The following MUS81 variants were observed in gnomAD, a reference collection of about 807,000 sequenced individuals.
MUS81 encodes the protein MUS81 structure-specific endonuclease subunit.
A neutral mutation model predicts 74.2 loss-of-function variants in MUS81; 69 were observed. That is an observed-to-expected ratio of 0.93 (90% CI 0.77 to 1.14). MUS81 has a LOEUF of 1.14. Ranked by LOEUF, MUS81 falls within the 50% of genes most tolerant of loss-of-function variation. The pLI, the probability that MUS81 is intolerant of heterozygous loss-of-function variation, is 0.00. For missense variants in MUS81, 711 were observed against 726.5 expected (o/e 0.98, Z 0.25); for synonymous variants, 303 against 300.6 (o/e 1.01, Z -0.08).
chr11:65,861,873 C>T (rs1461472565), intron 3 of MUS81, 74 bp from the exon 4 acceptor site: 19 of 1,228,274 alleles, frequency 1.5e-5, no homozygotes, highest in East Asian at 2.5e-5. Context: ...TACCCAGGGC[C>T]ACAAAGCCTG....
chr11:65,866,482 G>A (rs543751370), downstream of MUS81: 1 of 702,468 alleles, frequency 1.4e-6, no homozygotes, highest in Admixed American at 2.0e-5. Flanking sequence ...ACAGGCCCAG[G>A]GAACTACTAG....
intron 14 of MUS81, chr11:65,865,573 G>A: frequency 1.6e-6 from 1 of 625,532 alleles, no homozygotes; most frequent in Admixed American, 2.9e-5. Context: ...CCTGGAGAAG[G>A]GGTTGGGCCA....
At chr11:65,866,663 G>A (rs1304939046), downstream of MUS81, 1 of 704,214 alleles carries the variant, frequency 1.4e-6, no homozygotes, top group Non-Finnish European at 2.6e-6. Flanking sequence ...CGGGGTGACT[G>A]AAGCTCGTGG....
At chr11:65,867,149 A>C, downstream of MUS81, 3 of 1,591,956 alleles carry the variant, frequency 1.9e-6, no homozygotes, top group Non-Finnish European at 8.6e-7. Flanking sequence ...CCCCAGCGTC[A>C]CCTCCCTGCC....
rs1859770896 is a variant in MUS81, at chr11:65,865,075, T to C, written c.1331T>C (p.Met444Thr). Residue 444 changes from methionine (M) to threonine (T), a missense_variant, in exon 13 of 16, where the codon ATG becomes ACG. By Grantham distance (81) the Met-to-Thr change is moderately conservative. Transcript: ENST00000308110. ...GTPGNPESGA[M>T]TSPNPLCSLL... Reference sequence around the variant, plus strand: ...CCTGGGAACCCTGAATCAGGGGCCATGACCTCTCCAAACCCTCTCTGCTCA... The same window carrying C: ...CCTGGGAACCCTGAATCAGGGGCCACGACCTCTCCAAACCCTCTCTGCTCA... The C allele has an allele frequency of 1.2e-6, 2 of 1,614,006 alleles. No individual in the cohort carries two copies. Among genetic ancestry groups the C allele is most frequent in the Non-Finnish European group, 8.5e-7 (1 of 1,180,026 alleles).
In MUS81 at chr11:65,863,674, T is replaced by C. The variant is rs372873814; in HGVS notation, c.914T>C (p.Val305Ala). ...ACCCACACGGTGCGCAAGCTGCACG[T>C]TGGAGATTTTGTGTGGGTGGCCCAG... ...HVTHTVRKLH[V>A]GDFVWVAQET... The change falls in exon 9 of 16, where the codon GTT (valine) becomes GCT (alanine). Residue 305 changes from valine (V) to alanine (A), a missense_variant. Transcript: ENST00000308110. 7 of 1,613,586 alleles carry C rather than the reference T, an allele frequency of 4.3e-6. No individual in the cohort carries two copies. Among genetic ancestry groups the C allele is most frequent in the East Asian group, 2.2e-5 (1 of 44,844 alleles).
At chr11:65,864,298 GA>G in intron 10 of MUS81, 198 bp from the exon 11 acceptor site, 1 of 616,354 alleles carries the variant, frequency 1.6e-6, no homozygotes, top group Non-Finnish European at 2.9e-6. Flanking sequence ...GAGAGATGGA[GA>G]AAAGGCTTTC....
chr11:65,865,666 G>T, intron 14 of MUS81, 145 bp from the exon 15 acceptor site: 1 of 843,122 alleles, frequency 1.2e-6, no homozygotes, highest in Non-Finnish European at 1.9e-6. Flanking sequence ...AGCCCGGCTG[G>T]CATGGGGCCT....
chr11:65,866,065 A>T lies in MUS81; in HGVS notation c.*13A>T, dbSNP rs961232027. 1 of 1,612,926 alleles carries T rather than the reference A, an allele frequency of 6.2e-7. No homozygotes were observed. The highest frequency in any genetic ancestry group is 1.3e-5 in the African/African-American group (1 of 74,884). On this transcript the variant is annotated 3_prime_UTR_variant, in exon 16 of 16. Coordinates refer to ENST00000308110, the MANE Select transcript of MUS81 (RefSeq NM_025128.5). ...CCCCTTGACCTGAGCTTATGCCGTG[A>T]AACAGCCCCCAGCCCCCGTCTGTCC... is the stretch of plus-strand genomic sequence containing the variant.
downstream of MUS81, chr11:65,867,216 G>T: frequency 7.0e-6 from 7 of 996,386 alleles, no homozygotes; most frequent in Non-Finnish European, 1.1e-5. Flanking sequence ...AGCCTCTCAT[G>T]CAGCTCTTTG....
At chr11:65,864,251 T>G in intron 10 of MUS81, 1 of 590,190 alleles carries the variant, frequency 1.7e-6, no homozygotes, top group Non-Finnish European at 3.0e-6. Flanking sequence ...AGAGGCCATG[T>G]GCCGGCCCAG....
Position 65,861,037 on chromosome 11 carries a change from A to G in MUS81, c.200A>G (p.Gln67Arg). 6.2e-7 allele frequency: 1 copy of G among 1,612,704 alleles called. No homozygotes were observed. The highest frequency in any genetic ancestry group is 8.5e-7 in the Non-Finnish European group (1 of 1,179,982). The change falls in exon 2 of 16, where the codon CAG (glutamine) becomes CGG (arginine). Residue 67 changes from glutamine (Q) to arginine (R), a missense_variant. Coordinates refer to ENST00000308110, the MANE Select transcript of MUS81 (RefSeq NM_025128.5). ...AGCGGGAAGGAAGCTAAGATCCTAC[A>G]GCACTTCGGAGACGGGCTCTGCCGG... is the stretch of plus-strand genomic sequence containing the variant. ...LRSGKEAKIL[Q>R]HFGDGLCRML...
At chr11:65,861,717 C>A (rs1414135883) in intron 3 of MUS81, 8 of 605,430 alleles carry the variant, frequency 1.3e-5, no homozygotes, top group Admixed American at 3.0e-5. Flanking sequence ...TGTCCTGCAG[C>A]GCATGGTAGA....
Position 65,863,091 on chromosome 11 carries a change from A to G in MUS81, c.632A>G (p.Glu211Gly). Residue 211 changes from glutamate to glycine, a missense_variant, in exon 7 of 16, where the codon GAG becomes GGG. Glu to Gly is a moderately conservative substitution (Grantham distance 98, BLOSUM62 -2). Coordinates refer to ENST00000308110, the MANE Select transcript of MUS81 (RefSeq NM_025128.5). ...ARYSLTPEGL[E>G]LAQKLAESEG... Reference sequence around the variant, plus strand: ...TACTCATTGACCCCAGAGGGCCTGGAGCTGGCCCAGAAGTTGGCCGAGTCA... The same window carrying G: ...TACTCATTGACCCCAGAGGGCCTGGGGCTGGCCCAGAAGTTGGCCGAGTCA... 3 of 1,614,116 alleles carry G rather than the reference A, an allele frequency of 1.9e-6. No individual in the cohort carries two copies. The highest frequency in any genetic ancestry group is 2.5e-6 in the Non-Finnish European group (3 of 1,180,012).
At position 65,861,072 on chromosome 11, in the gene MUS81, G is replaced by A. The variant is rs772921104; in HGVS notation, c.235G>A (p.Glu79Lys). ...AGACGGGCTCTGCCGGATGCTGGAC[G>A]AGCGGCTGCAGCGGCACCGAACATC... is the stretch of plus-strand genomic sequence containing the variant. ...FGDGLCRMLD[E>K]RLQRHRTSGG... Residue 79 changes from glutamate to lysine, a missense_variant, in exon 2 of 16, where the codon GAG becomes AAG. By Grantham distance (56) the Glu-to-Lys change is moderately conservative (BLOSUM62 1). Coordinates refer to ENST00000308110, the MANE Select transcript of MUS81 (RefSeq NM_025128.5). 21 of 1,612,480 alleles carry A rather than the reference G, an allele frequency of 1.3e-5. No homozygotes were observed. In the South Asian group the frequency reaches 2.1e-4, roughly 16 times the overall value.
At chr11:65,865,486 A>C in intron 14 of MUS81, 163 bp downstream of exon 14, 4 of 741,816 alleles carry the variant, frequency 5.4e-6, no homozygotes, top group Non-Finnish European at 8.6e-6. Context: ...GGAGGAAGCC[A>C]GCAGGCCCAC....
At position 65,863,856 on chromosome 11, in the gene MUS81, T is replaced by G; in HGVS notation, c.1014T>G (p.Asp338Glu). The change falls in exon 10 of 16, where the codon GAT (aspartate) becomes GAG (glutamate). Residue 338 changes from aspartate to glutamate, a missense_variant. Coordinates refer to ENST00000308110, the MANE Select transcript of MUS81 (RefSeq NM_025128.5). ...LDHIVERKRL[D>E]DLCSSIIDGR... ...ACATTGTGGAGCGCAAGCGACTGGA[T>G]GACCTTTGCAGCAGCATCATCGACG... The G allele has an allele frequency of 6.2e-7, 1 of 1,614,166 alleles. No homozygotes were observed. The highest frequency in any genetic ancestry group is 8.5e-7 in the Non-Finnish European group (1 of 1,180,002).
chr11:65,864,935 C>T (rs1465486991), intron 12 of MUS81, 82 bp from the exon 13 acceptor site: 4 of 1,591,738 alleles, frequency 2.5e-6, no homozygotes, highest in African/African-American at 2.7e-5. Flanking sequence ...CAGGCTGGCC[C>T]CCCAAGGCTG....
At chr11:65,865,481 A>C in intron 14 of MUS81, 158 bp downstream of exon 14, 2 of 763,940 alleles carry the variant, frequency 2.6e-6, no homozygotes, top group Non-Finnish European at 4.1e-6. Context: ...AGTGGGGAGG[A>C]AGCCAGCAGG....
Sources: allele counts gnomAD v4.1 joint callset, GRCh38; gene constraint gnomAD v4.1.1; transcripts MANE v1.5; gene names NCBI Gene and HGNC (gene_info 2026-07-23, HGNC 2026-07-21).